Variants in ZSCAN25 observed in about 807,000 individuals in gnomAD.
ZSCAN25 encodes the protein zinc finger and SCAN domain containing 25, also known as zinc finger and SCAN domain-containing protein 25.
A neutral mutation model predicts 38.7 loss-of-function variants in ZSCAN25; 27 were observed. The ratio of observed to expected loss-of-function variants is 0.70; its 90% CI spans 0.51 to 0.96. The LOEUF is 0.96. ZSCAN25 is among the 40% of genes least tolerant of loss of function. The probability of loss-of-function intolerance (pLI) is 0.00; values close to 1 mark genes in which losing one functional copy is unlikely to be tolerated. For synonymous variants in ZSCAN25, 273 were observed against 277.7 expected, an observed-to-expected ratio of 0.98 and a Z score of 0.17; for missense variants, 637 against 705.9, an observed-to-expected ratio of 0.90 and a Z score of 1.11.
chr7:99,688,372 C>T, the ZSCAN25 span, among the ~76,000 whole-genome samples: 2 of 152,130 alleles, frequency 1.3e-5, no homozygotes, highest in Non-Finnish European at 2.9e-5. Flanking sequence ...GGTTGGAATC[C>T]TAGTCTCTGA....
the ZSCAN25 span, chr7:99,663,415 G>A: frequency 1.0e-6 from 1 of 989,962 alleles, no homozygotes; most frequent in Non-Finnish European, 1.2e-6. Context: ...CCTTCGGCTG[G>A]CCTCTAGGGC....
chr7:99,646,554 T>C, the ZSCAN25 span, among the ~76,000 whole-genome samples: 1 of 152,190 alleles, frequency 6.6e-6, no homozygotes, highest in Non-Finnish European at 1.5e-5. Context: ...TTAGAAATCA[T>C]TTCCAAATAC....
the ZSCAN25 span, chr7:99,735,026 T>C: frequency 6.2e-7 from 1 of 1,613,920 alleles, no homozygotes; most frequent in African/African-American, 1.3e-5. Flanking sequence ...TACTCACAGA[T>C]AGAGGAGTAT....
chr7:99,628,813 C>T lies in ZSCAN25; in HGVS notation c.806-378C>T, dbSNP rs1316845309. Among the ~76,000 whole-genome samples, 12 of 152,298 alleles carry T rather than the reference C, an allele frequency of 7.9e-5. No homozygotes were observed. The East Asian group carries it at 2.1e-3, about 27-fold the overall frequency. On this transcript the variant is annotated intron_variant, in intron 7 of 7. Transcript: ENST00000394152. ...AGGACATCTGGATGAATGGAAACAG[C>T]ATTTCCAACAAAGTCACATGTAAAT...
intron 7 of ZSCAN25, 68 bp downstream of exon 7, chr7:99,624,248 GTAGCTC>G: frequency 1.2e-6 from 2 of 1,603,204 alleles, no homozygotes; most frequent in Non-Finnish European, 1.7e-6. Context: ...GGGTCCTGCC[GTAGCTC>G]TGGCGCTCCT....
the ZSCAN25 span, chr7:99,664,173 C>G: frequency 1.7e-6 from 2 of 1,170,278 alleles, no homozygotes; most frequent in Non-Finnish European, 2.5e-6. Context: ...ATTTTCTCTA[C>G]CAGTAATAAG....
chr7:99,694,631 A>G, the ZSCAN25 span, among the ~76,000 whole-genome samples: 1 of 152,222 alleles, frequency 6.6e-6, no homozygotes, highest in African/African-American at 2.4e-5. Context: ...GGTGGCGGGG[A>G]AATTATTGCT....
chr7:99,633,868 C>T (rs912911732), downstream of ZSCAN25, among the ~76,000 whole-genome samples: 7 of 152,230 alleles, frequency 4.6e-5, no homozygotes, highest in African/African-American at 1.7e-4. Flanking sequence ...CCCTAATTCT[C>T]ATTGACAGCT....
the ZSCAN25 span, among the ~76,000 whole-genome samples, chr7:99,736,442 A>T: frequency 6.6e-6 from 1 of 152,162 alleles, no homozygotes; most frequent in Admixed American, 6.5e-5. Flanking sequence ...GCTGGTAGAG[A>T]TGAGGCCTGT....
chr7:99,663,359 A>G, the ZSCAN25 span: 1 of 991,992 alleles, frequency 1.0e-6, no homozygotes. Context: ...TATAATCTTC[A>G]GTGACAGCTG....
chr7:99,654,811 A>C, the ZSCAN25 span, among the ~76,000 whole-genome samples: 3 of 152,020 alleles, frequency 2.0e-5, no homozygotes, highest in African/African-American at 7.3e-5. Context: ...TGTGGTTTTG[A>C]TTTGCATTTC....
chr7:99,727,106 A>C, the ZSCAN25 span, among the ~76,000 whole-genome samples: 4 of 152,174 alleles, frequency 2.6e-5, no homozygotes, highest in Non-Finnish European at 4.4e-5. Flanking sequence ...CCTTGAAGAC[A>C]GCTCTAGAGG....
chr7:99,697,583 A>C, the ZSCAN25 span, among the ~76,000 whole-genome samples: 9 of 152,202 alleles, frequency 5.9e-5, no homozygotes, highest in Non-Finnish European at 7.3e-5. Flanking sequence ...ACATAAGTAA[A>C]CATAAAATGT....
chr7:99,664,227 C>T, the ZSCAN25 span: 1 of 835,944 alleles, frequency 1.2e-6, no homozygotes, highest in Non-Finnish European at 1.9e-6. Flanking sequence ...TTCCTTTTAT[C>T]ATGTTTGCCC....
the ZSCAN25 span, chr7:99,660,612 C>CA: frequency 6.2e-7 from 1 of 1,613,786 alleles, no homozygotes; most frequent in Non-Finnish European, 8.5e-7. Context: ...TCATAGCCAG[C>CA]AAAAATGAAG....
At chr7:99,663,973 G>T in the ZSCAN25 span, 1 of 1,580,408 alleles carries the variant, frequency 6.3e-7, no homozygotes, top group Non-Finnish European at 8.5e-7. Flanking sequence ...TTTACCTTTT[G>T]TTTGTCGTTG....
Position 99,632,319 on chromosome 7 carries a change from AT to A in ZSCAN25, c.*2306del. The A allele has an allele frequency of 1.1e-5, 10 of 881,024 alleles. No homozygotes were observed. The highest frequency in any genetic ancestry group is 1.4e-5 in the Non-Finnish European group (10 of 735,504). The allele number at this position is 881,024 out of a possible 1,614,324, so 54.6% of individuals were successfully genotyped here. A position where few individuals can be genotyped will look rare whatever the true frequency, so the allele number is the denominator to read the frequency against. On this transcript the variant is annotated 3_prime_UTR_variant, in exon 8 of 8. Transcript: ENST00000394152. Reference sequence around the variant, plus strand: ...TTCTGTATTTTTCTATTCTTTAGAAATTTTTTTATAATAGATAATTTCAAAC... The same window carrying A: ...TTCTGTATTTTTCTATTCTTTAGAAATTTTTTATAATAGATAATTTCAAAC...
At chr7:99,667,173 A>G in the ZSCAN25 span, 2 of 914,100 alleles carry the variant, frequency 2.2e-6, no homozygotes, top group South Asian at 1.7e-5. Context: ...TATTGACTGT[A>G]TATGATATTA....
the ZSCAN25 span, among the ~76,000 whole-genome samples, chr7:99,735,374 T>A: frequency 0.025 from 3,766 of 151,580 alleles, 77 homozygotes; most frequent in Non-Finnish European, 0.033. Flanking sequence ...ATATTCTATG[T>A]AGAATCATAC....
Sources: allele counts gnomAD v4.1 joint callset (sites outside exome capture counted in the v4.1 genomes callset), GRCh38; gene constraint gnomAD v4.1.1; transcripts MANE v1.5; gene names NCBI Gene and HGNC (gene_info 2026-07-23, HGNC 2026-07-21).